Variants in IRGM observed in about 807,000 individuals in gnomAD.
IRGM encodes the protein immunity related GTPase M, also known as immunity-related GTPase family M protein.
For synonymous variants in IRGM, 98 were observed against 80.6 expected (o/e 1.22, Z -1.16); for missense variants, 288 against 219.9 (o/e 1.31, Z -1.96).
chr5:150,896,606 T>A, intron 3 of IRGM: 1 of 1,613,628 alleles, frequency 6.2e-7, no homozygotes, highest in African/African-American at 1.3e-5. Flanking sequence ...TCTGATCAGG[T>A]TTTTTTCTTG....
intron 1 of IRGM, among the ~76,000 whole-genome samples, chr5:150,870,996 A>G (rs1279449993): frequency 6.6e-6 from 1 of 152,000 alleles, no homozygotes; most frequent in East Asian, 1.9e-4. Flanking sequence ...AAAAAGTGGT[A>G]TGGTGGGAGG....
intron 1 of IRGM, among the ~76,000 whole-genome samples, chr5:150,867,762 C>A (rs1754227997): frequency 6.6e-6 from 1 of 151,182 alleles, no homozygotes; most frequent in Admixed American, 6.6e-5. Context: ...TGTTTCTTGG[C>A]CATTTGTATA....
chr5:150,853,994 C>A (rs558837503), intron 1 of IRGM, among the ~76,000 whole-genome samples: 2 of 151,980 alleles, frequency 1.3e-5, no homozygotes, highest in Non-Finnish European at 2.9e-5. Flanking sequence ...TTTTTTCTCT[C>A]ATTTCCTCAA....
intron 3 of IRGM, among the ~76,000 whole-genome samples, chr5:150,892,511 A>G (rs971957334): frequency 6.6e-6 from 1 of 152,120 alleles, no homozygotes; most frequent in Non-Finnish European, 1.5e-5. Context: ...TGTTGTCTAC[A>G]AATAACAACA....
At chr5:150,876,890 G>T (rs1754372967) in intron 1 of IRGM, among the ~76,000 whole-genome samples, 1 of 152,118 alleles carries the variant, frequency 6.6e-6, no homozygotes, top group Non-Finnish European at 1.5e-5. Flanking sequence ...TCCTTATTTT[G>T]TTAAGAACAT....
downstream of IRGM, among the ~76,000 whole-genome samples, chr5:150,850,584 A>G (rs1753960510): frequency 6.6e-6 from 1 of 151,996 alleles, no homozygotes; most frequent in Non-Finnish European, 1.5e-5. Flanking sequence ...TTTTTGAGAC[A>G]GGGTCTTGCT....
rs752255527 is a variant in IRGM, at chr5:150,896,226, G to A, written c.*141-4363G>A. 4.3e-6 allele frequency: 7 copies of A among 1,613,560 alleles called. No homozygotes were observed. The African/African-American group carries it at 8.0e-5, about 18-fold the overall frequency. The stretch of plus-strand genomic sequence containing the variant: ...AACTCTCTGATGTATAATAAGGGAC[G>A]ATTTCTGAGAGAAGGCTTTTCCACA... On this transcript the variant is annotated intron_variant and NMD_transcript_variant, in intron 3 of 3. Transcript: ENST00000520549.
chr5:150,886,464 A>T (rs1251895212), intron 3 of IRGM, among the ~76,000 whole-genome samples: 1 of 152,040 alleles, frequency 6.6e-6, no homozygotes, highest in African/African-American at 2.4e-5. Flanking sequence ...GAATAGTTTC[A>T]GTAGGAATGG....
intron 1 of IRGM, among the ~76,000 whole-genome samples, chr5:150,863,675 G>T (rs920828668): frequency 6.6e-6 from 1 of 151,870 alleles, no homozygotes; most frequent in African/African-American, 2.4e-5. Context: ...ATTCCCAACA[G>T]GGTATGGGGT....
chr5:150,876,481 C>T (rs1212757042), intron 1 of IRGM, among the ~76,000 whole-genome samples: 3 of 152,162 alleles, frequency 2.0e-5, no homozygotes, highest in African/African-American at 7.2e-5. Flanking sequence ...GACACTTTTC[C>T]TACCTAAGTC....
chr5:150,888,692 A>G (rs937404421), intron 3 of IRGM, among the ~76,000 whole-genome samples: 1 of 152,086 alleles, frequency 6.6e-6, no homozygotes, highest in Non-Finnish European at 1.5e-5. Context: ...GTTCTGAATG[A>G]CTATGGGGTA....
At chr5:150,866,237 T>A (rs975731046) in intron 1 of IRGM, among the ~76,000 whole-genome samples, 1 of 152,008 alleles carries the variant, frequency 6.6e-6, no homozygotes, top group East Asian at 1.9e-4. Context: ...CTGTGGCAGG[T>A]ATTTTGGCTG....
downstream of IRGM, among the ~76,000 whole-genome samples, chr5:150,849,089 G>T (rs959513303): frequency 6.6e-6 from 1 of 151,634 alleles, no homozygotes; most frequent in Non-Finnish European, 1.5e-5. Context: ...CCCTCTCCAG[G>T]TTCGAACAGG....
At chr5:150,847,572 G>C (rs1429617442) in intron 1 of IRGM, 137 bp from the exon 2 acceptor site, 1 of 153,988 alleles carries the variant, frequency 6.5e-6, no homozygotes, top group Non-Finnish European at 1.4e-5. Flanking sequence ...TGTGCACATT[G>C]CTTGAATAAA....
downstream of IRGM, among the ~76,000 whole-genome samples, chr5:150,851,019 G>C (rs1389976969): frequency 2.6e-5 from 4 of 152,200 alleles, no homozygotes; most frequent in Non-Finnish European, 5.9e-5. Context: ...GGAAATGTTA[G>C]TTTTGGTTTC....
intron 3 of IRGM, chr5:150,897,354 A>T (rs1754831455): frequency 6.0e-6 from 1 of 167,020 alleles, no homozygotes; most frequent in Admixed American, 6.2e-5. Flanking sequence ...AAAACAAGGT[A>T]TCTTCTGTAT....
At chr5:150,865,411 T>C (rs1754193648) in intron 1 of IRGM, among the ~76,000 whole-genome samples, 1 of 114,364 alleles carries the variant, frequency 8.7e-6, no homozygotes, top group Non-Finnish European at 1.7e-5. Context: ...GACTAAATAT[T>C]ATGTAAAAGG....
chr5:150,876,245 A>G (rs1754361174), intron 1 of IRGM, among the ~76,000 whole-genome samples: 1 of 152,170 alleles, frequency 6.6e-6, no homozygotes, highest in Admixed American at 6.5e-5. Context: ...AATATATGGT[A>G]CTGTTTCTCC....
chr5:150,900,944 G>A (rs1378912535), downstream of IRGM, among the ~76,000 whole-genome samples: 2 of 151,964 alleles, frequency 1.3e-5, no homozygotes, highest in African/African-American at 4.8e-5. Flanking sequence ...GGAAAATATA[G>A]TACATAATCA....
Sources: allele counts gnomAD v4.1 joint callset (sites outside exome capture counted in the v4.1 genomes callset), GRCh38; gene constraint gnomAD v4.1.1; transcripts MANE v1.5; gene names NCBI Gene and HGNC (gene_info 2026-07-23, HGNC 2026-07-21).